PDE10A: variants seen among roughly 807,000 people sequenced by gnomAD.
PDE10A encodes phosphodiesterase 10A, also known as cAMP and cAMP-inhibited cGMP 3',5'-cyclic phosphodiesterase 10A.
Under a neutral mutation model 97.7 loss-of-function variants are expected in PDE10A, and 39 were observed. That is an observed-to-expected ratio of 0.40 (90% confidence interval 0.31 to 0.52). The LOEUF is 0.52. Among genes scored for constraint, PDE10A ranks in the 20% least tolerant of loss-of-function variants. The probability of loss-of-function intolerance (pLI) is 0.56; values close to 1 mark genes in which losing one functional copy is unlikely to be tolerated. For missense variants in PDE10A, 731 were observed against 1,047.8 expected, an observed-to-expected ratio of 0.70 and a Z score of 4.17; for synonymous variants, 371 against 376.8, an observed-to-expected ratio of 0.98 and a Z score of 0.18.
Position 165,973,286 on chromosome 6 carries a change from G to A in PDE10A, c.-615+14243C>T, listed in dbSNP as rs151247249. Among the ~76,000 whole-genome samples the A allele has an allele frequency of 6.3e-3, 965 of 152,202 alleles. 4 individuals are homozygous for A. The highest frequency in any genetic ancestry group is 0.014 in the Middle Eastern group (4 of 294). ...ATGTAAAAATTAGCCAGGCATGGTG[G>A]CAGGTGCCCGTAATCCCAGCTACTT... On this transcript the variant is annotated intron_variant, in intron 1 of 19. Coordinates refer to the PDE10A transcript ENST00000366882.
chr6:165,767,729 T>TA (rs1777897317), intron 1 of PDE10A, among the ~76,000 whole-genome samples: 1 of 152,232 alleles, frequency 6.6e-6, no homozygotes. Flanking sequence ...CTATTATTAG[T>TA]AATGCTGCTA....
At chr6:165,712,732 C>A (rs1453210354) in intron 1 of PDE10A, among the ~76,000 whole-genome samples, 1 of 147,080 alleles carries the variant, frequency 6.8e-6, no homozygotes, top group Admixed American at 6.9e-5. Flanking sequence ...CTCTGCCTCC[C>A]GGGTTCACGC....
chr6:165,851,971 T>C (rs985747784), intron 1 of PDE10A, among the ~76,000 whole-genome samples: 3 of 152,156 alleles, frequency 2.0e-5, no homozygotes, highest in Non-Finnish European at 4.4e-5. Context: ...TAACAGGAAT[T>C]GAGAAAAATA....
intron 1 of PDE10A, among the ~76,000 whole-genome samples, chr6:165,763,743 T>C (rs1384734924): frequency 6.6e-6 from 1 of 152,238 alleles, no homozygotes; most frequent in Non-Finnish European, 1.5e-5. Context: ...AGCTTTGTAT[T>C]AGATACAACA....
chr6:165,762,361 A>G (rs1793272066), intron 1 of PDE10A, among the ~76,000 whole-genome samples: 1 of 152,192 alleles, frequency 6.6e-6, no homozygotes, highest in African/African-American at 2.4e-5. Flanking sequence ...TCTGTGCAGC[A>G]AGCAGCAGTA....
chr6:165,772,234 A>G (rs1377069472), intron 1 of PDE10A, among the ~76,000 whole-genome samples: 1 of 152,224 alleles, frequency 6.6e-6, no homozygotes, highest in African/African-American at 2.4e-5. Flanking sequence ...CAAAAACTCA[A>G]CATTATGGGG....
intron 1 of PDE10A, chr6:165,946,843 AT>A (rs1252994366): frequency 1.3e-5 from 2 of 152,236 alleles, no homozygotes; most frequent in African/African-American, 4.8e-5. Flanking sequence ...TAATTCAGAT[AT>A]TTTCTATCTA....
intron 1 of PDE10A, among the ~76,000 whole-genome samples, chr6:165,676,910 G>A (rs1029589514): frequency 1.3e-5 from 2 of 152,220 alleles, no homozygotes; most frequent in African/African-American, 4.8e-5. Flanking sequence ...CATGGCTGGG[G>A]CCTCCAGGGC....
chr6:165,425,401 G>A (rs1789042411), intron 10 of PDE10A, among the ~76,000 whole-genome samples: 1 of 151,934 alleles, frequency 6.6e-6, no homozygotes, highest in Non-Finnish European at 1.5e-5. Flanking sequence ...AGAATCAATT[G>A]ATGTAATATA....
intron 1 of PDE10A, among the ~76,000 whole-genome samples, chr6:165,814,004 G>T (rs1405407799): frequency 6.6e-6 from 1 of 152,206 alleles, no homozygotes; most frequent in Admixed American, 6.5e-5. Context: ...GGGATTCTCT[G>T]CATTGGTGAT....
intron 18 of PDE10A, among the ~76,000 whole-genome samples, chr6:165,354,568 C>G (rs1216416878): frequency 6.6e-6 from 1 of 152,084 alleles, no homozygotes; most frequent in Non-Finnish European, 1.5e-5. Context: ...TTACTGAATT[C>G]CAATTGAGTT....
chr6:165,839,176 C>T (rs1780146377), intron 1 of PDE10A, among the ~76,000 whole-genome samples: 1 of 152,194 alleles, frequency 6.6e-6, no homozygotes, highest in Admixed American at 6.5e-5. Context: ...TGACACCCAC[C>T]TTCCTCACAA....
chr6:165,783,991 AG>A (rs1778416767), intron 1 of PDE10A, among the ~76,000 whole-genome samples: 1 of 152,190 alleles, frequency 6.6e-6, no homozygotes, highest in South Asian at 2.1e-4. Context: ...AGGCCAAGGC[AG>A]GTGGATCACG....
At chr6:165,474,509 G>C (rs1356784302) in intron 3 of PDE10A, among the ~76,000 whole-genome samples, 2 of 152,084 alleles carry the variant, frequency 1.3e-5, no homozygotes, top group African/African-American at 4.8e-5. Context: ...AAAACATTTT[G>C]AAGGAAAAAT....
At chr6:165,770,163 C>CAAAAAAAAAAA in intron 1 of PDE10A, among the ~76,000 whole-genome samples, 1 of 127,902 alleles carries the variant, frequency 7.8e-6, no homozygotes, top group Non-Finnish European at 1.7e-5. Flanking sequence ...TGCAAAAGGG[C>CAAAAAAAAAAA]AAAAAAAAAA....
At chr6:165,653,178 G>A (rs1247410983) in intron 1 of PDE10A, among the ~76,000 whole-genome samples, 1 of 152,156 alleles carries the variant, frequency 6.6e-6, no homozygotes, top group African/African-American at 2.4e-5. Flanking sequence ...GACGATTTCA[G>A]TCATATTCCC....
At chr6:165,470,001 G>A (rs771953688) in intron 3 of PDE10A, among the ~76,000 whole-genome samples, 5 of 152,130 alleles carry the variant, frequency 3.3e-5, no homozygotes, top group Non-Finnish European at 7.3e-5. Flanking sequence ...TTAGCCCTGT[G>A]GTTTTCAGCT....
chr6:165,599,784 T>C (rs925975548), intron 1 of PDE10A, among the ~76,000 whole-genome samples: 1 of 152,150 alleles, frequency 6.6e-6, no homozygotes, highest in Non-Finnish European at 1.5e-5. Context: ...TGACCAACAG[T>C]ACAGAGCTGG....
chr6:165,926,322 G>T (rs1428136075), intron 1 of PDE10A, among the ~76,000 whole-genome samples: 1 of 152,096 alleles, frequency 6.6e-6, no homozygotes, highest in Admixed American at 6.6e-5. Flanking sequence ...TTCTTACCTG[G>T]CAACAAACAC....
Sources: gnomAD v4.1 joint callset for allele counts (sites outside exome capture counted in the v4.1 genomes callset) on GRCh38, gnomAD v4.1.1 for gene constraint, MANE v1.5 for transcripts, NCBI Gene and HGNC (gene_info 2026-07-23, HGNC 2026-07-21) for gene names.